CDH8: variants seen among roughly 807,000 people sequenced by gnomAD.
CDH8 encodes cadherin 8.
Under a neutral mutation model 68.1 loss-of-function variants are expected in CDH8, and 17 were observed. That is an observed-to-expected ratio of 0.25 (90% confidence interval 0.17 to 0.37). The LOEUF (loss-of-function observed/expected upper bound fraction) is 0.37, where lower values mean the gene tolerates loss of function less well. Ranked by LOEUF, CDH8 falls within the 10% of genes least tolerant of loss-of-function variation. The pLI is 1.00. For missense variants in CDH8, 763 were observed against 999.3 expected (o/e 0.76, Z 3.19); for synonymous variants, 372 against 365.1 (o/e 1.02, Z -0.21).
At chr16:62,009,766 A>G (rs568966747) in intron 2 of CDH8, among the ~76,000 whole-genome samples, 11 of 152,320 alleles carry the variant, frequency 7.2e-5, no homozygotes, top group Admixed American at 1.3e-4. Context: ...ATTTACTTCC[A>G]TCCAAAAGTC....
At chr16:61,707,461 C>T (rs1964554613) in intron 10 of CDH8, among the ~76,000 whole-genome samples, 1 of 152,094 alleles carries the variant, frequency 6.6e-6, no homozygotes, top group Admixed American at 6.5e-5. Context: ...TTATATATTC[C>T]ATAGTGTCTC....
chr16:61,783,912 G>C (rs1961159422), intron 8 of CDH8, among the ~76,000 whole-genome samples: 1 of 152,126 alleles, frequency 6.6e-6, no homozygotes, highest in South Asian at 2.1e-4. Flanking sequence ...CACCAGGACT[G>C]CCCTATAAGA....
intron 10 of CDH8, chr16:61,693,350 T>C (rs957346781): frequency 2.6e-5 from 4 of 152,040 alleles, no homozygotes; most frequent in Admixed American, 6.6e-5. Flanking sequence ...TGCTCCTTGG[T>C]TTACATATTG....
chr16:61,866,580 G>GTATA (rs5817318), intron 3 of CDH8, among the ~76,000 whole-genome samples: 8 of 151,292 alleles, frequency 5.3e-5, no homozygotes, highest in East Asian at 2.0e-4. Context: ...GTGTGTGTGT[G>GTATA]TATATATATA....
intron 8 of CDH8, among the ~76,000 whole-genome samples, chr16:61,736,974 C>A (rs1002922123): frequency 6.6e-5 from 10 of 152,162 alleles, no homozygotes; most frequent in African/African-American, 2.4e-4. Flanking sequence ...TCACAAAAGT[C>A]AGGCGGTTTT....
chr16:61,665,293 T>TA (rs1485384224), intron 10 of CDH8, among the ~76,000 whole-genome samples: 2 of 151,854 alleles, frequency 1.3e-5, no homozygotes, highest in Non-Finnish European at 2.9e-5. Context: ...CATGAAAAAT[T>TA]AAAAAGTCTA....
rs1290978149 is a variant in CDH8 at position 61,960,009 on chromosome 16, TATATATAC to T, written c.253-58544_253-58537del. ...GTATATATATATATATATATATATA[TATATATAC>T]ACACATACACACACACACACAACAT... On this transcript the variant is annotated intron_variant, in intron 2 of 11. Transcript: ENST00000577390. 1.0e-3 allele frequency among the ~76,000 whole-genome samples: 86 copies of T among 82,552 alleles called. 8 individuals carry two copies. The highest frequency in any genetic ancestry group is 2.0e-3 in the African/African-American group (24 of 11,810). 54.2% of individuals were successfully genotyped at this position (82,552 alleles called of 152,430 possible). A position where few individuals can be genotyped will look rare whatever the true frequency, so the allele number is the denominator to read the frequency against.
intron 2 of CDH8, among the ~76,000 whole-genome samples, chr16:61,903,252 A>G (rs1004908606): frequency 4.6e-5 from 7 of 152,340 alleles, no homozygotes; most frequent in Admixed American, 2.6e-4. Context: ...TTATGTTTCA[A>G]TGCTCCCTTC....
intron 8 of CDH8, among the ~76,000 whole-genome samples, chr16:61,750,497 A>T (rs1268851508): frequency 1.3e-5 from 2 of 152,138 alleles, no homozygotes; most frequent in Non-Finnish European, 2.9e-5. Context: ...AAACTAAATT[A>T]GGAAGTGTTA....
At chr16:61,774,103 C>A (rs1309486849) in intron 8 of CDH8, among the ~76,000 whole-genome samples, 2 of 152,032 alleles carry the variant, frequency 1.3e-5, no homozygotes, top group Non-Finnish European at 2.9e-5. Context: ...CATTTTCATT[C>A]TTTTGGCTTT....
intron 9 of CDH8, among the ~76,000 whole-genome samples, chr16:61,723,777 T>C (rs1249748612): frequency 6.6e-6 from 1 of 150,602 alleles, no homozygotes. Flanking sequence ...TTTGGAATCC[T>C]CAACACACAT....
chr16:61,965,856 T>C (rs1023896021), intron 2 of CDH8, among the ~76,000 whole-genome samples: 7 of 152,244 alleles, frequency 4.6e-5, no homozygotes, highest in Non-Finnish European at 8.8e-5. Context: ...TCCTTTCATT[T>C]GCAGCAGCTC....
intron 3 of CDH8, among the ~76,000 whole-genome samples, chr16:61,894,206 G>T (rs566452373): frequency 6.6e-6 from 1 of 152,130 alleles, no homozygotes; most frequent in Non-Finnish European, 1.5e-5. Flanking sequence ...TGATAGTCTT[G>T]TCAAAAATGC....
chr16:61,981,677 T>TGC (rs1359790500), intron 2 of CDH8, among the ~76,000 whole-genome samples: 1 of 149,660 alleles, frequency 6.7e-6, no homozygotes, highest in Non-Finnish European at 1.5e-5. Context: ...TGTGTGTGTG[T>TGC]GTGTGCGCGC....
chr16:62,009,895 C>A (rs566236711), intron 2 of CDH8, among the ~76,000 whole-genome samples: 3 of 152,212 alleles, frequency 2.0e-5, no homozygotes, highest in Non-Finnish European at 4.4e-5. Context: ...CCTTCTCCAT[C>A]ATTTTTTCTT....
chr16:61,649,058 T>C lies in CDH8; in HGVS notation c.*4550A>G, dbSNP rs1963266266. 6.6e-6 allele frequency: 1 copy of C among 152,000 alleles called. No individual in the cohort carries two copies. Among genetic ancestry groups the C allele is most frequent in the South Asian group, 2.1e-4 (1 of 4,832 alleles). 9.4% of individuals were successfully genotyped at this position (152,000 alleles called of 1,614,324 possible). The stretch of plus-strand genomic sequence containing the variant: ...CTGAGTAACAGTGCAAAGACACTTT[T>C]TATAGCAAATAAAACAGTATTGAAA... On this transcript the variant is annotated 3_prime_UTR_variant, in exon 12 of 12. Transcript: ENST00000577390.
chr16:61,862,645 G>T (rs776470093), intron 3 of CDH8, among the ~76,000 whole-genome samples: 4 of 152,156 alleles, frequency 2.6e-5, no homozygotes, highest in Non-Finnish European at 5.9e-5. Context: ...GAGGTTTTGT[G>T]GGTGCATTTG....
intron 10 of CDH8, among the ~76,000 whole-genome samples, chr16:61,710,440 A>T (rs114017403): frequency 2.6e-5 from 4 of 152,086 alleles, no homozygotes; most frequent in African/African-American, 9.7e-5. Context: ...ACATTATTCA[A>T]ATTAATTATC....
At chr16:61,720,161 A>G (rs1959206592) in intron 9 of CDH8, among the ~76,000 whole-genome samples, 1 of 150,944 alleles carries the variant, frequency 6.6e-6, no homozygotes, top group Non-Finnish European at 1.5e-5. Context: ...GAAGGTGTGT[A>G]TCTACATAGC....
Sources: gnomAD v4.1 joint callset for allele counts (sites outside exome capture counted in the v4.1 genomes callset) on GRCh38, gnomAD v4.1.1 for gene constraint, MANE v1.5 for transcripts, NCBI Gene and HGNC (gene_info 2026-07-23, HGNC 2026-07-21) for gene names.